Variants in UBAP2 observed in about 807,000 individuals in gnomAD.
UBAP2 encodes ubiquitin-associated protein 2.
A neutral mutation model predicts 139.6 loss-of-function variants in UBAP2; 75 were observed. The observed-to-expected ratio is 0.54, with a 90% confidence interval of 0.45 to 0.65. The LOEUF (loss-of-function observed/expected upper bound fraction) is 0.65, where lower values mean the gene tolerates loss of function less well. Ranked by LOEUF, UBAP2 falls within the 30% of genes least tolerant of loss-of-function variation. UBAP2 has a pLI of 0.00. For synonymous variants in UBAP2, 526 were observed against 526.2 expected, an observed-to-expected ratio of 1.00 and a Z score of 0.01; for missense variants, 1,368 against 1,369.6, an observed-to-expected ratio of 1.00 and a Z score of 0.02.
chr9:33,979,251 T>C (rs957148381), intron 6 of UBAP2, among the ~76,000 whole-genome samples: 2 of 152,042 alleles, frequency 1.3e-5, no homozygotes, highest in African/African-American at 2.4e-5. Context: ...AAAAAGAAAC[T>C]ATAGTTCACT....
At chr9:33,982,879 T>TG (rs1373064280) in intron 6 of UBAP2, among the ~76,000 whole-genome samples, 2 of 150,164 alleles carry the variant, frequency 1.3e-5, no homozygotes, top group African/African-American at 4.9e-5. Context: ...TGTTTTTTTT[T>TG]GTTTTTTTTT....
chr9:33,983,654 A>G (rs534353722), intron 6 of UBAP2, among the ~76,000 whole-genome samples: 2 of 152,130 alleles, frequency 1.3e-5, no homozygotes, highest in East Asian at 1.9e-4. Context: ...GTTACCTTCT[A>G]TTTTCTTTTT....
At chr9:33,982,005 A>T (rs56300643) in intron 6 of UBAP2, among the ~76,000 whole-genome samples, 20,047 of 152,162 alleles carry the variant, frequency 0.13, 1,582 homozygotes, top group South Asian at 0.33. Context: ...GGTGAGAAGA[A>T]CAGAATTGTT....
At chr9:34,040,466 G>A (rs1826972818) in intron 1 of UBAP2, among the ~76,000 whole-genome samples, 1 of 152,004 alleles carries the variant, frequency 6.6e-6, no homozygotes, top group Admixed American at 6.6e-5. Context: ...TAGTTAAAGA[G>A]GTTAGCTGAT....
At chr9:33,986,647 T>A (rs1161819931) in intron 6 of UBAP2, 113 bp downstream of exon 6, 1 of 876,480 alleles carries the variant, frequency 1.1e-6, no homozygotes. Context: ...AGATTTTAGA[T>A]GACCTGCTAT....
At chr9:34,012,352 G>A (rs1823825930) in intron 2 of UBAP2, among the ~76,000 whole-genome samples, 1 of 152,136 alleles carries the variant, frequency 6.6e-6, no homozygotes, top group Non-Finnish European at 1.5e-5. Flanking sequence ...CCAACATGGC[G>A]AAACCTCGTT....
intron 12 of UBAP2, among the ~76,000 whole-genome samples, chr9:33,951,680 G>C (rs909079396): frequency 2.6e-5 from 4 of 152,046 alleles, no homozygotes; most frequent in African/African-American, 9.7e-5. Context: ...GTAGGGTCGA[G>C]AACCACTGCT....
At chr9:34,000,303 T>C (rs1331488337) in intron 2 of UBAP2, among the ~76,000 whole-genome samples, 4 of 152,168 alleles carry the variant, frequency 2.6e-5, no homozygotes, top group Non-Finnish European at 4.4e-5. Flanking sequence ...CTATTTACTT[T>C]TGTCACTCAA....
chr9:33,997,242 A>C lies in UBAP2; in HGVS notation c.178-909T>G, dbSNP rs369280564. On this transcript the variant is annotated intron_variant, in intron 3 of 28. Coordinates refer to ENST00000379238, the MANE Select transcript of UBAP2 (RefSeq NM_001370062.2). ...CATTAGCAAGAGATACTTGTTACTT[A>C]GCATTTTCATCACTAGAACGATCAC... is the stretch of plus-strand genomic sequence containing the variant. 3.3e-5 allele frequency: 5 copies of C among 152,372 alleles called. No homozygotes were observed. In the East Asian group the frequency reaches 9.6e-4, roughly 29 times the overall value. 9.4% of individuals were successfully genotyped at this position (152,372 alleles called of 1,614,324 possible). A position where few individuals can be genotyped will look rare whatever the true frequency, so the allele number is the denominator to read the frequency against.
Position 33,921,872 on chromosome 9 carries a change from T to A in UBAP2, c.*632A>T, listed in dbSNP as rs1396143218. ...TTTTTTTTTTTTCATGGTCAGCCAG[T>A]CTCTAGTAAGTCTCTAGGGACATGA... On this transcript the variant is annotated 3_prime_UTR_variant, in exon 29 of 29. Coordinates refer to ENST00000379238, the MANE Select transcript of UBAP2 (RefSeq NM_001370062.2). 1.3e-5 allele frequency: 2 copies of A among 152,156 alleles called. No individual in the cohort carries two copies. Among genetic ancestry groups the A allele is most frequent in the African/African-American group, 4.8e-5 (2 of 41,356 alleles). 9.4% of individuals were successfully genotyped at this position (152,156 alleles called of 1,614,324 possible).
chr9:34,041,023 T>C (rs1827026125), intron 1 of UBAP2, among the ~76,000 whole-genome samples: 1 of 152,142 alleles, frequency 6.6e-6, no homozygotes, highest in African/African-American at 2.4e-5. Flanking sequence ...TTGTTTGTTG[T>C]GGGCAGGGTG....
At chr9:34,010,659 C>A (rs1165951129) in intron 2 of UBAP2, among the ~76,000 whole-genome samples, 1 of 152,048 alleles carries the variant, frequency 6.6e-6, no homozygotes, top group Admixed American at 6.6e-5. Context: ...CATCTGTGAC[C>A]ATTTTCATAA....
At position 33,929,069 on chromosome 9, in the gene UBAP2, G is replaced by A. The variant is rs1220695878; in HGVS notation, c.2176-1077C>T. On this transcript the variant is annotated intron_variant, in intron 19 of 28. Transcript: ENST00000379238. Reference sequence around the variant, plus strand: ...CAGCACAGATGGGCAGGACCAGGCCGGAGAGAGCCCCACCAGGAGCGGGCC... The same window carrying A: ...CAGCACAGATGGGCAGGACCAGGCCAGAGAGAGCCCCACCAGGAGCGGGCC... 2.6e-5 allele frequency among the ~76,000 whole-genome samples: 4 copies of A among 152,290 alleles called. 1 individual carries two copies. The highest frequency in any genetic ancestry group is 4.2e-4 in the South Asian group (2 of 4,818).
intron 1 of UBAP2, among the ~76,000 whole-genome samples, chr9:34,028,113 T>C (rs12555719): frequency 0.12 from 18,317 of 151,572 alleles, 1,367 homozygotes; most frequent in African/African-American, 0.2. Context: ...ATGGACAAGG[T>C]TGAACTCCCC....
chr9:33,941,644 C>T lies in UBAP2; in HGVS notation c.1929+5G>A. On this transcript the variant is annotated splice_donor_5th_base_variant and intron_variant, in intron 16 of 28. Transcript: ENST00000379238. ...TTCTGAGAAAAAAACTAAAATACCA[C>T]TTACCATGATGGTTCCTGGAGCTGA... 1 of 1,613,346 alleles carries T rather than the reference C, an allele frequency of 6.2e-7. No individual in the cohort carries two copies. Among genetic ancestry groups the T allele is most frequent in the Non-Finnish European group, 8.5e-7 (1 of 1,179,344 alleles).
chr9:33,953,544 A>C, intron 11 of UBAP2, 70 bp from the exon 12 acceptor site: 1 of 1,456,442 alleles, frequency 6.9e-7, no homozygotes, highest in Non-Finnish European at 9.4e-7. Flanking sequence ...GTGAGAAGTC[A>C]ATCAATATAT....
rs940739385 is a variant in UBAP2, at chr9:33,975,666, C to G, written c.521-2429G>C. On this transcript the variant is annotated intron_variant, in intron 6 of 28. Coordinates refer to ENST00000379238, the MANE Select transcript of UBAP2 (RefSeq NM_001370062.2). ...ACAAAAAAAAGAAAAATTAGCCAGG[C>G]GTAGTGGCAGGCGCCTGTAGTCCCA... 4.1e-4 allele frequency among the ~76,000 whole-genome samples: 62 copies of G among 151,400 alleles called. 1 individual carries two copies. Among genetic ancestry groups the G allele is most frequent in the African/African-American group, 1.4e-3 (57 of 41,290 alleles).
At chr9:34,023,231 A>AG (rs1351822679) in intron 1 of UBAP2, among the ~76,000 whole-genome samples, 5 of 152,048 alleles carry the variant, frequency 3.3e-5, no homozygotes, top group Non-Finnish European at 7.4e-5. Context: ...AAAAAAAAAA[A>AG]AAAGAAAGAA....
At chr9:34,010,718 G>A (rs928264944) in intron 2 of UBAP2, among the ~76,000 whole-genome samples, 1 of 152,042 alleles carries the variant, frequency 6.6e-6, no homozygotes, top group African/African-American at 2.4e-5. Flanking sequence ...GAGTACAGGC[G>A]GCGGCTTGGG....
Sources: allele counts gnomAD v4.1 joint callset (sites outside exome capture counted in the v4.1 genomes callset), GRCh38; gene constraint gnomAD v4.1.1; transcripts MANE v1.5; gene names NCBI Gene and HGNC (gene_info 2026-07-23, HGNC 2026-07-21).